The following GALNT13 variants were observed in gnomAD, a reference collection of about 807,000 sequenced individuals.
The protein encoded by GALNT13 is polypeptide N-acetylgalactosaminyltransferase 13.
A neutral mutation model predicts 64.2 loss-of-function variants in GALNT13; 28 were observed. The observed-to-expected ratio is 0.44, with a 90% CI of 0.32 to 0.60. The LOEUF is 0.60. Among genes scored for constraint, GALNT13 ranks in the 20% least tolerant of loss-of-function variants. The probability of loss-of-function intolerance (pLI) is 0.05; values close to 1 mark genes in which losing one functional copy is unlikely to be tolerated. For synonymous variants in GALNT13, 214 were observed against 224.6 expected (o/e 0.95, Z 0.42); for missense variants, 577 against 669.8 (o/e 0.86, Z 1.53).
the GALNT13 span, among the ~76,000 whole-genome samples, chr2:153,813,148 C>G: frequency 6.6e-6 from 1 of 152,002 alleles, no homozygotes; most frequent in Non-Finnish European, 1.5e-5. Context: ...GAATTCTTAT[C>G]TGTTTTCAGT....
chr2:153,554,210 C>T, the GALNT13 span, among the ~76,000 whole-genome samples: 16 of 151,572 alleles, frequency 1.1e-4, 1 homozygote, highest in African/African-American at 3.9e-4. Flanking sequence ...GCCTGTAGTC[C>T]CAGCTACTGG....
chr2:153,946,882 T>G (rs552680144), intron 3 of GALNT13, among the ~76,000 whole-genome samples: 10 of 152,226 alleles, frequency 6.6e-5, no homozygotes, highest in Admixed American at 3.9e-4. Context: ...TATTTCAGAA[T>G]TTTTACTTTA....
chr2:153,857,619 C>A, the GALNT13 span, among the ~76,000 whole-genome samples: 2 of 152,124 alleles, frequency 1.3e-5, no homozygotes, highest in Non-Finnish European at 2.9e-5. Flanking sequence ...ATAGAAAAAT[C>A]TTTGCATATT....
chr2:154,268,795 T>C (rs2105917784), intron 8 of GALNT13, among the ~76,000 whole-genome samples: 1 of 152,244 alleles, frequency 6.6e-6, no homozygotes, highest in African/African-American at 2.4e-5. Context: ...ATTATAACAG[T>C]CTACCTCCCA....
At chr2:153,614,941 C>T in the GALNT13 span, among the ~76,000 whole-genome samples, 43 of 152,048 alleles carry the variant, frequency 2.8e-4, no homozygotes, top group East Asian at 5.8e-3. Context: ...ACTATAGTAA[C>T]CCTGTTGTGT....
intron 4 of GALNT13, among the ~76,000 whole-genome samples, chr2:154,184,384 T>G (rs1482621483): frequency 6.6e-6 from 1 of 152,192 alleles, no homozygotes; most frequent in Non-Finnish European, 1.5e-5. Flanking sequence ...AACTTCTTTA[T>G]ACTTGAAGTA....
the GALNT13 span, among the ~76,000 whole-genome samples, chr2:153,581,598 G>A: frequency 6.6e-6 from 1 of 152,116 alleles, no homozygotes; most frequent in South Asian, 2.1e-4. Context: ...GTACTCATAA[G>A]AACTGAATCT....
chr2:154,420,768 A>G (rs1700214079), intron 11 of GALNT13, among the ~76,000 whole-genome samples: 1 of 152,090 alleles, frequency 6.6e-6, no homozygotes. Context: ...GGCTTAATCC[A>G]TGTAGTAAAA....
At chr2:154,446,337 T>C (rs2551114) in intron 12 of GALNT13, 1 of 292,980 alleles carries the variant, frequency 3.4e-6, no homozygotes, top group Non-Finnish European at 6.3e-6. Flanking sequence ...TTCATTATTT[T>C]ATCGTAAGCC....
At chr2:154,144,089 T>G (rs958574944) in intron 4 of GALNT13, among the ~76,000 whole-genome samples, 9 of 152,086 alleles carry the variant, frequency 5.9e-5, no homozygotes, top group Admixed American at 1.3e-4. Flanking sequence ...AAATAGTCTC[T>G]GAAATAATAT....
chr2:154,212,880 A>AT (rs1687854147), intron 4 of GALNT13, among the ~76,000 whole-genome samples: 1 of 151,704 alleles, frequency 6.6e-6, no homozygotes, highest in African/African-American at 2.4e-5. Flanking sequence ...TGATACACAC[A>AT]TTTTATTAAT....
chr2:153,558,541 T>A, the GALNT13 span, among the ~76,000 whole-genome samples: 5 of 152,186 alleles, frequency 3.3e-5, no homozygotes, highest in Non-Finnish European at 4.4e-5. Flanking sequence ...AAGTAGCAAA[T>A]TGAGCTTTGC....
At chr2:153,599,271 A>C in the GALNT13 span, among the ~76,000 whole-genome samples, 1 of 152,016 alleles carries the variant, frequency 6.6e-6, no homozygotes, top group East Asian at 1.9e-4. Context: ...AGCTATCTCA[A>C]AATGTATACT....
chr2:153,667,500 C>T, the GALNT13 span, among the ~76,000 whole-genome samples: 1 of 152,236 alleles, frequency 6.6e-6, no homozygotes, highest in African/African-American at 2.4e-5. Context: ...GAAATTCCAA[C>T]CAATAATTTC....
chr2:153,590,120 AC>A, the GALNT13 span, among the ~76,000 whole-genome samples: 1 of 152,142 alleles, frequency 6.6e-6, no homozygotes, highest in African/African-American at 2.4e-5. Context: ...CCAAGAAAAG[AC>A]CCAAATAATT....
chr2:154,019,266 T>G (rs1267119959), intron 3 of GALNT13, among the ~76,000 whole-genome samples: 1 of 152,166 alleles, frequency 6.6e-6, no homozygotes. Context: ...ATGGATTGTT[T>G]AGGTTTTTGA....
intron 1 of GALNT13, among the ~76,000 whole-genome samples, chr2:153,880,799 T>G (rs1686729112): frequency 6.6e-6 from 1 of 151,588 alleles, no homozygotes; most frequent in Non-Finnish European, 1.5e-5. Flanking sequence ...TATTTATTAT[T>G]TTTTAGTATT....
At chr2:153,164,230 G>A in the GALNT13 span, among the ~76,000 whole-genome samples, 2,565 of 152,142 alleles carry the variant, frequency 0.017, 68 homozygotes, top group African/African-American at 0.058. Flanking sequence ...CTACTCCATA[G>A]TCCATCTCCC....
the GALNT13 span, among the ~76,000 whole-genome samples, chr2:153,630,809 T>A: frequency 0.037 from 519 of 13,900 alleles, 2 homozygotes; most frequent in East Asian, 0.081. Context: ...ATATATATAT[T>A]TTTTTTTTTT....
Sources: gnomAD v4.1 joint callset for allele counts (sites outside exome capture counted in the v4.1 genomes callset) on GRCh38, gnomAD v4.1.1 for gene constraint, MANE v1.5 for transcripts, NCBI Gene and HGNC (gene_info 2026-07-23, HGNC 2026-07-21) for gene names.